FOCAD: variants seen among roughly 807,000 people sequenced by gnomAD.
FOCAD encodes the protein focadhesin.
A neutral mutation model predicts 225.6 loss-of-function variants in FOCAD; 198 were observed. The observed-to-expected ratio is 0.88, with a 90% CI of 0.78 to 0.99. The LOEUF is 0.99. Among genes scored for constraint, FOCAD ranks in the 50% least tolerant of loss-of-function variants. FOCAD has a pLI of 0.00. For synonymous variants in FOCAD, 897 were observed against 755.0 expected, an observed-to-expected ratio of 1.19 and a Z score of -3.08; for missense variants, 2,713 against 2,123.6, an observed-to-expected ratio of 1.28 and a Z score of -5.46.
chr9:20,982,492 A>C, intron 39 of FOCAD, 46 bp downstream of exon 39: 1 of 1,490,750 alleles, frequency 6.7e-7, no homozygotes, highest in Non-Finnish European at 9.3e-7. Flanking sequence ...TGAGCCAGAA[A>C]TTACGATTGA....
chr9:20,672,895 A>G (rs1158080438), intron 2 of FOCAD, among the ~76,000 whole-genome samples: 2 of 152,256 alleles, frequency 1.3e-5, no homozygotes, highest in Non-Finnish European at 2.9e-5. Flanking sequence ...TCTATTTACA[A>G]GTTGCTTTTA....
At chr9:20,895,045 G>T (rs1831958447) in intron 21 of FOCAD, among the ~76,000 whole-genome samples, 1 of 151,918 alleles carries the variant, frequency 6.6e-6, no homozygotes, top group South Asian at 2.1e-4. Context: ...TTTGCATCAA[G>T]ATATCTGGTT....
At chr9:20,966,937 T>A (rs1839315336) in intron 35 of FOCAD, among the ~76,000 whole-genome samples, 1 of 152,120 alleles carries the variant, frequency 6.6e-6, no homozygotes. Flanking sequence ...TATAGCTGTA[T>A]AGTAAGATTA....
intron 15 of FOCAD, among the ~76,000 whole-genome samples, chr9:20,834,985 C>T (rs973688292): frequency 3.3e-5 from 5 of 152,060 alleles, no homozygotes; most frequent in Admixed American, 1.3e-4. Flanking sequence ...AATAATTTTA[C>T]CTTTTTTACT....
rs374027399 is a variant in FOCAD, at chr9:20,781,971, G to A, written c.1197+42G>A. The stretch of plus-strand genomic sequence containing the variant: ...TGTTTCTCTTAAATAAAGTGTCGAT[G>A]TGGGATTTCGGTCTTTACGGATAAT... On this transcript the variant is annotated intron_variant, in intron 10 of 43. Transcript: ENST00000338382. 7 of 1,569,424 alleles carry A rather than the reference G, an allele frequency of 4.5e-6. No homozygotes were observed. In the African/African-American group the frequency reaches 5.4e-5, roughly 12 times the overall value.
chr9:20,774,760 T>C (rs1818589506), intron 8 of FOCAD, among the ~76,000 whole-genome samples: 1 of 152,148 alleles, frequency 6.6e-6, no homozygotes, highest in Non-Finnish European at 1.5e-5. Flanking sequence ...GATACTAATG[T>C]CATTTAGAAG....
Position 20,885,175 on chromosome 9 carries a change from T to A in FOCAD, c.2570T>A (p.Leu857Gln). The A allele has an allele frequency of 6.5e-7, 1 of 1,547,334 alleles. No homozygotes were observed. The change falls in exon 21 of 44, where the codon CTG (leucine) becomes CAG (glutamine). Residue 857 changes from leucine (L) to glutamine (Q), a missense_variant. By Grantham distance (113) the Leu-to-Gln change is moderately radical (BLOSUM62 -2). Transcript: ENST00000338382. The stretch of plus-strand genomic sequence containing the variant: ...AAAGATGGAAAACCATTGAACAGAC[T>A]GATGGCCAGCAGAGGGCGAAGTTTC... ...QSKDGKPLNR[L>Q]MASRGRSFKQ...
rs75038826 is a variant in FOCAD, at chr9:20,822,664, A to G, written c.1794-325A>G. On this transcript the variant is annotated intron_variant, in intron 14 of 43. Transcript: ENST00000338382. ...AATAGCTCTATCTTTACTAATCTCA[A>G]TTAGGTAATTCAGTTCTTTTTACCA... Among the ~76,000 whole-genome samples the G allele has an allele frequency of 2.2e-3, 338 of 152,146 alleles. 10 individuals carry two copies. In the East Asian group the frequency reaches 0.043, roughly 20 times the overall value.
intron 7 of FOCAD, among the ~76,000 whole-genome samples, chr9:20,768,678 C>G (rs1371496859): frequency 6.6e-6 from 1 of 152,072 alleles, no homozygotes; most frequent in African/African-American, 2.4e-5. Flanking sequence ...AAAATACAAG[C>G]TTTAGAAATA....
At chr9:20,944,480 T>A (rs2132320568) in intron 28 of FOCAD, 147 bp from the exon 29 acceptor site, 1 of 768,050 alleles carries the variant, frequency 1.3e-6, no homozygotes, top group South Asian at 2.0e-5. Flanking sequence ...TTGTCATGGA[T>A]GATGGGGCAC....
chr9:20,984,700 G>A (rs1840994306), intron 39 of FOCAD, among the ~76,000 whole-genome samples: 1 of 152,184 alleles, frequency 6.6e-6, no homozygotes, highest in Admixed American at 6.5e-5. Flanking sequence ...ATACAGATAT[G>A]CAGGAGGAAA....
chr9:20,980,452 T>C (rs777696022), intron 37 of FOCAD, among the ~76,000 whole-genome samples: 5 of 152,076 alleles, frequency 3.3e-5, no homozygotes, highest in Non-Finnish European at 7.4e-5. Context: ...AGATCTGTGC[T>C]ACTCTGTGCA....
At chr9:20,906,449 A>G (rs1169661332) in intron 21 of FOCAD, among the ~76,000 whole-genome samples, 1 of 151,984 alleles carries the variant, frequency 6.6e-6, no homozygotes, top group Non-Finnish European at 1.5e-5. Flanking sequence ...TCTTTCTTTA[A>G]CAGAAGCAGA....
chr9:20,897,283 T>C (rs926485668), intron 21 of FOCAD, among the ~76,000 whole-genome samples: 4 of 151,848 alleles, frequency 2.6e-5, no homozygotes, highest in African/African-American at 9.7e-5. Context: ...TATGTGTCTT[T>C]ACATTAAAGT....
intron 5 of FOCAD, among the ~76,000 whole-genome samples, chr9:20,743,951 G>T (rs1333041716): frequency 6.6e-6 from 1 of 152,108 alleles, no homozygotes; most frequent in Non-Finnish European, 1.5e-5. Context: ...AAGTACCAAG[G>T]CACCAAGTTT....
intron 21 of FOCAD, among the ~76,000 whole-genome samples, chr9:20,905,385 A>G (rs3955234): frequency 0.35 from 53,445 of 151,746 alleles, 9,736 homozygotes; most frequent in East Asian, 0.47. Flanking sequence ...CCTTTTTTAA[A>G]CTCAAGTTTA....
At chr9:20,967,869 T>A (rs76838466) in intron 35 of FOCAD, among the ~76,000 whole-genome samples, 1,670 of 152,244 alleles carry the variant, frequency 0.011, 40 homozygotes, top group African/African-American at 0.039. Flanking sequence ...TGTTGGATTC[T>A]GTTTGCTAGT....
intron 4 of FOCAD, among the ~76,000 whole-genome samples, chr9:20,725,394 A>G (rs1474650888): frequency 2.0e-5 from 3 of 152,158 alleles, no homozygotes; most frequent in Non-Finnish European, 4.4e-5. Context: ...CATCTTGCCT[A>G]TTTATCTTCT....
At position 20,887,627 on chromosome 9, in the gene FOCAD, TAA is replaced by T. The variant is rs566211959; in HGVS notation, c.2625+2399_2625+2400del. 6.8e-4 allele frequency among the ~76,000 whole-genome samples: 104 copies of T among 152,366 alleles called. 1 individual carries two copies. Among genetic ancestry groups the T allele is most frequent in the African/African-American group, 2.4e-3 (101 of 41,590 alleles). On this transcript the variant is annotated intron_variant, in intron 21 of 43. Coordinates refer to ENST00000338382, the MANE Select transcript of FOCAD (RefSeq NM_001375567.1). ...TTTTTCTGTTTTCAATGATTAAGACTAAAGTTTCTATAAACATTCTCATACAG... is the reference window on the plus strand; with the variant it reads ...TTTTTCTGTTTTCAATGATTAAGACTAGTTTCTATAAACATTCTCATACAG...
Sources: allele counts gnomAD v4.1 joint callset (sites outside exome capture counted in the v4.1 genomes callset), GRCh38; gene constraint gnomAD v4.1.1; transcripts MANE v1.5; gene names NCBI Gene and HGNC (gene_info 2026-07-23, HGNC 2026-07-21).